The following CLDN11 variants were observed in gnomAD, a reference collection of about 807,000 sequenced individuals.
CLDN11 encodes claudin 11.
A neutral mutation model predicts 18.0 loss-of-function variants in CLDN11; 1 was observed. That is an observed-to-expected ratio of 0.06 (90% CI 0.02 to 0.26). The LOEUF (loss-of-function observed/expected upper bound fraction) is 0.26. Among genes scored for constraint, CLDN11 ranks in the 10% least tolerant of loss-of-function variants. CLDN11 has a pLI of 1.00. For synonymous variants in CLDN11, 116 were observed against 121.5 expected (o/e 0.96, Z 0.30); for missense variants, 172 against 276.6 (o/e 0.62, Z 2.68).
chr3:170,428,711 T>A (rs762485568), intron 2 of CLDN11, among the ~76,000 whole-genome samples: 7 of 152,248 alleles, frequency 4.6e-5, no homozygotes, highest in Non-Finnish European at 8.8e-5. Context: ...CACCACCTTG[T>A]GTAGTTAGCT....
At chr3:170,426,364 C>T (rs1252501296) in intron 2 of CLDN11, among the ~76,000 whole-genome samples, 1 of 152,194 alleles carries the variant, frequency 6.6e-6, no homozygotes, top group Non-Finnish European at 1.5e-5. Context: ...CTTCTAAAGC[C>T]AGATGAGTAG....
chr3:170,422,668 C>T (rs192390230), intron 1 of CLDN11, among the ~76,000 whole-genome samples: 1 of 152,318 alleles, frequency 6.6e-6, no homozygotes, highest in African/African-American at 2.4e-5. Flanking sequence ...GAAGATCCAC[C>T]TGCCTTGGCC....
chr3:170,428,899 T>C (rs939754830), intron 2 of CLDN11, among the ~76,000 whole-genome samples: 10 of 152,230 alleles, frequency 6.6e-5, no homozygotes, highest in African/African-American at 2.4e-4. Context: ...ACTGACTTTC[T>C]AGAAAAACAC....
In CLDN11 at chr3:170,434,525, T is replaced by C. The variant is rs1477647441; in HGVS notation, c.*1769T>C. Among the ~76,000 whole-genome samples, 1 of 152,250 alleles carries C rather than the reference T, an allele frequency of 6.6e-6. No individual in the cohort carries two copies. The highest frequency in any genetic ancestry group is 2.4e-5 in the African/African-American group (1 of 41,478). On this transcript the variant is annotated 3_prime_UTR_variant, in exon 3 of 3. Transcript: ENST00000064724. ...TAAATACATTTCGTTCAAACATACA[T>C]ATGTAGCTGTTTGGACATTTTGGAC...
chr3:170,420,463 G>T (rs1353910787), intron 1 of CLDN11, among the ~76,000 whole-genome samples: 1 of 152,202 alleles, frequency 6.6e-6, no homozygotes, highest in Non-Finnish European at 1.5e-5. Flanking sequence ...GGTCCTCGCA[G>T]TCGGAATCTG....
At chr3:170,424,936 T>C (rs867995885) in intron 2 of CLDN11, among the ~76,000 whole-genome samples, 1 of 51,176 alleles carries the variant, frequency 2.0e-5, no homozygotes, top group Non-Finnish European at 3.9e-5. Context: ...TGTGTGTGTG[T>C]GTGTGCGCGC....
At chr3:170,421,364 A>G in intron 1 of CLDN11, 1 of 928,176 alleles carries the variant, frequency 1.1e-6, no homozygotes, top group Non-Finnish European at 1.3e-6. Flanking sequence ...TACAAGCCGC[A>G]GAGGCGGACG....
Position 170,419,238 on chromosome 3 carries a change from A to G in CLDN11, c.172A>G (p.Met58Val). Residue 58 changes from methionine to valine, a missense_variant, in exon 1 of 3, where the codon ATG becomes GTG. Met to Val is a conservative substitution (Grantham distance 21). Around this residue, in one of 3 missense-constraint regions of CLDN11, gnomAD observed 161 missense variants for 240.3 expected, o/e 0.67. Transcript: ENST00000064724. The surrounding 1 kb of genome is among the most constrained non-coding windows in gnomAD (Gnocchi z 8.6). ...CAAGGGGCTGTGGGCCGACTGCGTC[A>G]TGGCCACGGGGCTGTACCACTGCAA... ...GSKGLWADCV[M>V]ATGLYHCKPL... is the part of the protein sequence containing the mutation. 1.3e-6 allele frequency: 2 copies of G among 1,576,764 alleles called. No individual in the cohort carries two copies. The highest frequency in any genetic ancestry group is 1.7e-6 in the Non-Finnish European group (2 of 1,161,594).
chr3:170,425,779 T>G (rs978145781), intron 2 of CLDN11, among the ~76,000 whole-genome samples: 1 of 152,232 alleles, frequency 6.6e-6, no homozygotes, highest in Non-Finnish European at 1.5e-5. Flanking sequence ...ATTGTCTGCC[T>G]GCTTTGCTCC....
In CLDN11 at chr3:170,419,079, T is replaced by C; in HGVS notation, c.13T>C (p.Cys5Arg). Residue 5 changes from cysteine to arginine, a missense_variant, in exon 1 of 3, where the codon TGC (cysteine) becomes CGC (arginine). Cys to Arg is a radical substitution (Grantham distance 180). Coordinates refer to ENST00000064724, the MANE Select transcript of CLDN11 (RefSeq NM_005602.6). The surrounding 1 kb of genome is among the most constrained non-coding windows in gnomAD (Gnocchi z 8.6). MVAT[C>R]LQVVGFVTSF... ...CCTGGCGGCCACCATGGTGGCCACGTGCCTGCAGGTGGTGGGCTTCGTCAC... is the reference window on the plus strand; with the variant it reads ...CCTGGCGGCCACCATGGTGGCCACGCGCCTGCAGGTGGTGGGCTTCGTCAC... The C allele has an allele frequency of 6.4e-7, 1 of 1,550,436 alleles. No individual in the cohort carries two copies. Among genetic ancestry groups the C allele is most frequent in the South Asian group, 1.2e-5 (1 of 84,006 alleles).
chr3:170,432,147 G>A (rs1444228807), intron 2 of CLDN11, among the ~76,000 whole-genome samples: 1 of 152,154 alleles, frequency 6.6e-6, no homozygotes, highest in Non-Finnish European at 1.5e-5. Flanking sequence ...ATGATGCATA[G>A]ACATGTAAAG....
intron 1 of CLDN11, among the ~76,000 whole-genome samples, chr3:170,422,221 G>C (rs1350154824): frequency 1.3e-5 from 2 of 151,852 alleles, no homozygotes; most frequent in African/African-American, 4.8e-5. Context: ...ACATGGTTAG[G>C]AGAAAATCAC....
In CLDN11 at chr3:170,433,609, C is replaced by T; in HGVS notation, c.*853C>T. ...ACGAACTTTCCATGGGAAACTTTCC[C>T]TTTTGTAAGTTGAGGGCCAGGGGTA... On this transcript the variant is annotated 3_prime_UTR_variant, in exon 3 of 3. Coordinates refer to ENST00000064724, the MANE Select transcript of CLDN11 (RefSeq NM_005602.6). 1 of 152,598 alleles carries T rather than the reference C, an allele frequency of 6.6e-6. No individual in the cohort carries two copies. The highest frequency in any genetic ancestry group is 1.5e-5 in the Non-Finnish European group (1 of 68,002). 9.5% of individuals were successfully genotyped at this position (152,598 alleles called of 1,614,324 possible). A position where few individuals can be genotyped will look rare whatever the true frequency, so the allele number is the denominator to read the frequency against.
chr3:170,425,203 C>A (rs1173729004), intron 2 of CLDN11, among the ~76,000 whole-genome samples: 4 of 152,184 alleles, frequency 2.6e-5, no homozygotes, highest in East Asian at 1.9e-4. Context: ...CCAGGTGAAA[C>A]CCTTCTCCTA....
At chr3:170,424,263 G>A (rs1000957317) in intron 2 of CLDN11, among the ~76,000 whole-genome samples, 6 of 152,138 alleles carry the variant, frequency 3.9e-5, no homozygotes, top group East Asian at 1.9e-4. Context: ...AATATGGTAT[G>A]TGCTCATGTA....
intron 2 of CLDN11, among the ~76,000 whole-genome samples, chr3:170,431,581 A>G (rs1739004093): frequency 6.6e-6 from 1 of 152,242 alleles, no homozygotes; most frequent in Admixed American, 6.5e-5. Flanking sequence ...TCCATTTGAC[A>G]GTGCTGGTCT....
At position 170,418,886 on chromosome 3, in the gene CLDN11, G is replaced by T. The variant is rs928002897; in HGVS notation, c.-181G>T. 5.5e-6 allele frequency: 3 copies of T among 545,816 alleles called. No homozygotes were observed. The highest frequency in any genetic ancestry group is 6.5e-6 in the Non-Finnish European group (2 of 308,402). 33.8% of individuals were successfully genotyped at this position (545,816 alleles called of 1,614,324 possible). ...GCCCAGCAGCGCTGCTGTCCCCGCC[G>T]TGCGCCCTTCGCCGCTGAGCTCGCA... is the stretch of plus-strand genomic sequence containing the variant. On this transcript the variant is annotated 5_prime_UTR_variant, in exon 1 of 3. Coordinates refer to ENST00000064724, the MANE Select transcript of CLDN11 (RefSeq NM_005602.6). This position sits in a 1 kb window ranked among gnomAD's most constrained non-coding sequence, Gnocchi z 4.3.
chr3:170,431,007 AT>A lies in CLDN11; in HGVS notation c.392-1516del, dbSNP rs756764663. Reference sequence around the variant, plus strand: ...GGATAGAAATCATATCTTCCTACATATATCTATACCCAGCTTGTGGGGGTGG... The same window carrying A: ...GGATAGAAATCATATCTTCCTACATAATCTATACCCAGCTTGTGGGGGTGG... On this transcript the variant is annotated intron_variant, in intron 2 of 2. Transcript: ENST00000064724. 8.5e-5 allele frequency among the ~76,000 whole-genome samples: 13 copies of A among 152,266 alleles called. No homozygotes were observed. In the East Asian group the frequency reaches 1.5e-3, roughly 18 times the overall value.
chr3:170,425,946 G>T (rs1738842541), intron 2 of CLDN11, among the ~76,000 whole-genome samples: 1 of 152,174 alleles, frequency 6.6e-6, no homozygotes. Flanking sequence ...CAAGTGCCTT[G>T]TTTCCCCTGT....
Sources: allele counts gnomAD v4.1 joint callset (sites outside exome capture counted in the v4.1 genomes callset), GRCh38; gene constraint gnomAD v4.1.1; regional missense constraint gnomAD v4.1.1; non-coding constraint Gnocchi (gnomAD v3.1); transcripts MANE v1.5; gene names NCBI Gene and HGNC (gene_info 2026-07-23, HGNC 2026-07-21).